ODAD1: variants seen among roughly 807,000 people sequenced by gnomAD.
ODAD1 encodes the protein outer dynein arm-docking complex subunit 1.
In ODAD1, 49 loss-of-function variants were observed where a neutral mutation model predicts 67.2. The observed-to-expected ratio is 0.73, with a 90% CI of 0.58 to 0.92. The LOEUF is 0.92. Ranked by LOEUF, ODAD1 falls within the 40% of genes least tolerant of loss-of-function variation. The pLI, the probability that ODAD1 is intolerant of heterozygous loss-of-function variation, is 0.00. For synonymous variants in ODAD1, 345 were observed against 393.7 expected (o/e 0.88, Z 1.46); for missense variants, 897 against 953.7 (o/e 0.94, Z 0.78).
chr19:48,300,480 A>C (rs1968434184), intron 12 of ODAD1, among the ~76,000 whole-genome samples: 1 of 152,182 alleles, frequency 6.6e-6, no homozygotes, highest in Admixed American at 6.5e-5. Flanking sequence ...CAGGACAGGC[A>C]AAAATTTCTT....
chr19:48,306,193 T>C, intron 8 of ODAD1, 63 bp downstream of exon 8: 1 of 1,548,002 alleles, frequency 6.5e-7, no homozygotes, highest in South Asian at 1.2e-5. Context: ...CATCACTGCC[T>C]TATGGAAAGG....
At chr19:48,313,693 G>A (rs574794452) in intron 5 of ODAD1, among the ~76,000 whole-genome samples, 1 of 151,704 alleles carries the variant, frequency 6.6e-6, no homozygotes, top group South Asian at 2.1e-4. Flanking sequence ...GACCAGCCTG[G>A]GCCACAAAGC....
In ODAD1 at chr19:48,303,027, C is replaced by A. The variant is rs1316732391; in HGVS notation, c.1057G>T (p.Glu353Ter). 3 of 1,613,858 alleles carry A rather than the reference C, an allele frequency of 1.9e-6. No homozygotes were observed. The change falls in exon 11 of 16, where the codon GAA becomes TAA. Residue 353 changes from glutamate (E) to a stop codon, truncating the protein, a stop_gained. Coordinates refer to ENST00000674294, the MANE Select transcript of ODAD1 (RefSeq NM_001364171.2). LOFTEE classifies it high-confidence loss of function. Reference sequence around the variant, plus strand: ...GCCTCACTCACCTCCTTGATCTCTTCCTGCACATGCTCCAGCTCCAAGTTC... The same window carrying A: ...GCCTCACTCACCTCCTTGATCTCTTACTGCACATGCTCCAGCTCCAAGTTC... ...EQNLELEHVQ[E>*]EIKEMQEALV...
At chr19:48,304,493 C>A (rs555727567) in intron 8 of ODAD1, among the ~76,000 whole-genome samples, 1 of 152,226 alleles carries the variant, frequency 6.6e-6, no homozygotes, top group African/African-American at 2.4e-5. Context: ...GTGGTGCATG[C>A]CTGTAATCCC....
chr19:48,304,878 C>T (rs920977596), intron 8 of ODAD1, among the ~76,000 whole-genome samples: 1 of 142,930 alleles, frequency 7.0e-6, no homozygotes, highest in African/African-American at 2.8e-5. Flanking sequence ...TCCTGTACTT[C>T]CCGGTGGCAG....
Position 48,304,060 on chromosome 19 carries a change from A to G in ODAD1, c.746T>C (p.Val249Ala), listed in dbSNP as rs1192630734. The stretch of plus-strand genomic sequence containing the variant: ...CAGGTGCAAGATCTGCCGCTGCAGG[A>G]CCTGCGCCTCCATCTCGCTCTGGGC... ...EEAQSEMEAQ[V>A]LQRQILHLEQ... Residue 249 changes from valine to alanine, a missense_variant, in exon 9 of 16, where the codon GTC (valine) becomes GCC (alanine). Transcript: ENST00000674294. 1 of 1,614,170 alleles carries G rather than the reference A, an allele frequency of 6.2e-7. No individual in the cohort carries two copies. Among genetic ancestry groups the G allele is most frequent in the Admixed American group, 1.7e-5 (1 of 60,022 alleles).
chr19:48,316,217 C>T (rs1373338383), intron 5 of ODAD1, among the ~76,000 whole-genome samples: 3 of 151,884 alleles, frequency 2.0e-5, no homozygotes, highest in African/African-American at 4.8e-5. Flanking sequence ...CCCATCTCTA[C>T]TAAAAATATA....
At chr19:48,318,862 T>C in intron 3 of ODAD1, 50 bp from the exon 4 acceptor site, 1 of 1,188,702 alleles carries the variant, frequency 8.4e-7, no homozygotes, top group Non-Finnish European at 1.2e-6. Flanking sequence ...GGCCACCAGC[T>C]CCTCCCAACC....
chr19:48,303,002 G>C lies in ODAD1; in HGVS notation c.1071+11C>G. On this transcript the variant is annotated intron_variant, in intron 11 of 15. Transcript: ENST00000674294. ...GGAGAGGAGGAGATGGAGAGGGCAG[G>C]CCTCACTCACCTCCTTGATCTCTTC... 6.2e-7 allele frequency: 1 copy of C among 1,612,348 alleles called. No individual in the cohort carries two copies. Among genetic ancestry groups the C allele is most frequent in the Non-Finnish European group, 8.5e-7 (1 of 1,178,444 alleles).
chr19:48,309,952 C>T (rs560853116), intron 7 of ODAD1, among the ~76,000 whole-genome samples: 16 of 152,210 alleles, frequency 1.1e-4, no homozygotes, highest in East Asian at 3.9e-4. Flanking sequence ...TCAGATAAAC[C>T]GGCCGGGCGT....
rs532240994 is a variant in ODAD1 at position 48,296,842 on chromosome 19, T to C, written c.*134A>G. The C allele has an allele frequency of 4.9e-6, 7 of 1,431,422 alleles. No individual in the cohort carries two copies. The Admixed American group carries it at 1.7e-4, about 36-fold the overall frequency. The allele number at this position is 1,431,422 out of a possible 1,614,324, so 88.7% of individuals were successfully genotyped here. ...GTGATGAAGGGCAGATGAAAACAGT[T>C]GAAGGGGCAAAAAGACAGAGGCCTG... On this transcript the variant is annotated 3_prime_UTR_variant, in exon 16 of 16. Transcript: ENST00000674294.
At chr19:48,321,536 G>T (rs1969030174) in intron 1 of ODAD1, 142 bp downstream of exon 1, 1 of 319,578 alleles carries the variant, frequency 3.1e-6, no homozygotes, top group Non-Finnish European at 5.7e-6. Context: ...GGCGGGCTTC[G>T]AGGGTCGCGT....
Position 48,297,431 on chromosome 19 carries a change from G to T in ODAD1, c.1669C>A (p.Leu557Met), listed in dbSNP as rs1273499395. The T allele has an allele frequency of 1.9e-6, 3 of 1,604,024 alleles. No homozygotes were observed. Among genetic ancestry groups the T allele is most frequent in the Non-Finnish European group, 2.5e-6 (3 of 1,179,220 alleles). The part of the protein sequence containing the change: ...AKLDGTLSVD[L>M]ASTQRAGSST... ...GAGCCGGCCCTCTGGGTGCTGGCCAGGTCCACGCTCAGGGTGCCGTCCAGC... is the reference window on the plus strand; with the variant it reads ...GAGCCGGCCCTCTGGGTGCTGGCCATGTCCACGCTCAGGGTGCCGTCCAGC... The change falls in exon 16 of 16, where the codon CTG becomes ATG. Residue 557 changes from leucine to methionine, a missense_variant. Leu to Met is a conservative substitution (Grantham distance 15). Transcript: ENST00000674294.
rs142193030 is a variant in ODAD1, at chr19:48,303,093, C to T, written c.991G>A (p.Glu331Lys). The change falls in exon 11 of 16, where the codon GAG becomes AAG. Residue 331 changes from glutamate to lysine, a missense_variant and splice_region_variant. By Grantham distance (56) the Glu-to-Lys change is moderately conservative. Transcript: ENST00000674294. ...TTGAACTCAGCAAAGTTGCGCTCCT[C>T]GACTGGGAGAGTTGGGCAAGGCGGG... is the stretch of plus-strand genomic sequence containing the variant. ...DLLVQKYLEI[E>K]ERNFAEFNFI... 257 of 1,613,336 alleles carry T rather than the reference C, an allele frequency of 1.6e-4. No individual in the cohort carries two copies. The highest frequency in any genetic ancestry group is 5.0e-4 in the Admixed American group (30 of 60,002).
At chr19:48,300,630 G>A (rs888860835) in intron 12 of ODAD1, among the ~76,000 whole-genome samples, 2 of 151,980 alleles carry the variant, frequency 1.3e-5, no homozygotes, top group African/African-American at 4.8e-5. Context: ...CAAAAGTCTA[G>A]TATCTAGAAT....
chr19:48,303,895 C>T, intron 9 of ODAD1, 58 bp downstream of exon 9: 7 of 1,588,700 alleles, frequency 4.4e-6, no homozygotes, highest in Non-Finnish European at 6.0e-6. Flanking sequence ...AGGTGTGCTG[C>T]AGGTGCCCCA....
chr19:48,302,362 C>T (rs561717018), intron 12 of ODAD1, among the ~76,000 whole-genome samples: 2 of 134,904 alleles, frequency 1.5e-5, no homozygotes, highest in East Asian at 2.3e-4. Flanking sequence ...GAGAGACAGA[C>T]GTTGAATGGA....
rs1292927707 is a variant in ODAD1, at chr19:48,320,409, T to C, written c.-23-18A>G. ...TGGGGCTCCTGTAGGGATGGACATA[T>C]AAGACCCTTCAGACAGCAGGCGGGC... On this transcript the variant is annotated intron_variant, in intron 2 of 15. Transcript: ENST00000674294. 30 of 1,261,520 alleles carry C rather than the reference T, an allele frequency of 2.4e-5. No homozygotes were observed. Among genetic ancestry groups the C allele is most frequent in the East Asian group, 5.7e-5 (1 of 17,396 alleles). 78.1% of individuals were successfully genotyped at this position (1,261,520 alleles called of 1,614,324 possible). A position where few individuals can be genotyped will look rare whatever the true frequency, so the allele number is the denominator to read the frequency against.
chr19:48,306,331 G>A lies in ODAD1; in HGVS notation c.598-8C>T, dbSNP rs1435422385. The A allele has an allele frequency of 2.6e-6, 4 of 1,550,904 alleles. No homozygotes were observed. The highest frequency in any genetic ancestry group is 4.9e-5 in the East Asian group (2 of 40,896). On this transcript the variant is annotated splice_region_variant and splice_polypyrimidine_tract_variant and intron_variant, in intron 7 of 15. Coordinates refer to ENST00000674294, the MANE Select transcript of ODAD1 (RefSeq NM_001364171.2). The stretch of plus-strand genomic sequence containing the variant: ...ATGCAGGTGGTGGATCTCCTGTGGG[G>A]GGAGGAGAAAAAAATCAGTGCCACT...
Sources: gnomAD v4.1 joint callset for allele counts (sites outside exome capture counted in the v4.1 genomes callset) on GRCh38, gnomAD v4.1.1 for gene constraint, MANE v1.5 for transcripts, NCBI Gene and HGNC (gene_info 2026-07-23, HGNC 2026-07-21) for gene names.